UBR2: variants seen among roughly 807,000 people sequenced by gnomAD.
The protein encoded by UBR2 is ubiquitin protein ligase E3 component n-recognin 2.
In UBR2, 92 loss-of-function variants were observed where a neutral mutation model predicts 247.9. That is an observed-to-expected ratio of 0.37 (90% CI 0.31 to 0.44). The LOEUF (loss-of-function observed/expected upper bound fraction) is 0.44. Ranked by LOEUF, UBR2 falls within the 20% of genes least tolerant of loss-of-function variation. The probability of loss-of-function intolerance (pLI) is 1.00; values close to 1 mark genes in which losing one functional copy is unlikely to be tolerated. For synonymous variants in UBR2, 672 were observed against 693.5 expected (o/e 0.97, Z 0.49); for missense variants, 1,613 against 2,112.6 (o/e 0.76, Z 4.64).
chr6:42,614,675 T>C (rs892737286), intron 8 of UBR2, among the ~76,000 whole-genome samples: 12 of 152,142 alleles, frequency 7.9e-5, no homozygotes, highest in Non-Finnish European at 1.6e-4. Flanking sequence ...GCATTCCTCC[T>C]TTTAAATGGT....
Position 42,666,187 on chromosome 6 carries a change from T to G in UBR2, c.3823T>G (p.Ser1275Ala). ...STPNNASTKN[S>A]ENVDELQLPE... ...TATAGATAATGCCTCTACAAAGAAT[T>G]CAGAAAATGTGGATGAATTACAGCT... The change falls in exon 34 of 47, where the codon TCA becomes GCA. Residue 1275 changes from serine (S) to alanine (A), a missense_variant. Coordinates refer to ENST00000372901, the MANE Select transcript of UBR2 (RefSeq NM_001363705.2). 6.2e-7 allele frequency: 1 copy of G among 1,612,408 alleles called. No individual in the cohort carries two copies. The highest frequency in any genetic ancestry group is 1.1e-5 in the South Asian group (1 of 90,542).
chr6:42,662,429 C>T, intron 31 of UBR2, 152 bp downstream of exon 31: 1 of 572,174 alleles, frequency 1.7e-6, no homozygotes, highest in East Asian at 3.0e-5. Context: ...AAGTTATTTG[C>T]CTTGTCATAG....
intron 11 of UBR2, among the ~76,000 whole-genome samples, chr6:42,622,023 T>G (rs1274478976): frequency 6.6e-6 from 1 of 152,152 alleles, no homozygotes; most frequent in Non-Finnish European, 1.5e-5. Context: ...ACTCTTCTTT[T>G]TTTTCTTTTT....
chr6:42,615,763 A>AG (rs1458665528), intron 9 of UBR2, among the ~76,000 whole-genome samples: 1 of 151,842 alleles, frequency 6.6e-6, no homozygotes, highest in East Asian at 1.9e-4. Context: ...AAAAAAAAAA[A>AG]AAAATGCTGT....
chr6:42,675,525 T>G (rs1177665760), intron 38 of UBR2, among the ~76,000 whole-genome samples: 1 of 152,210 alleles, frequency 6.6e-6, no homozygotes, highest in Non-Finnish European at 1.5e-5. Context: ...ATTAATGAAA[T>G]CATAGTGCCC....
At chr6:42,658,198 GATCATATTTCAT>G in intron 27 of UBR2, 30 bp from the exon 28 acceptor site, 1 of 1,609,420 alleles carries the variant, frequency 6.2e-7, no homozygotes. Context: ...TGTACATTGT[GATCATATTTCAT>G]ACAGGATACT....
intron 2 of UBR2, among the ~76,000 whole-genome samples, chr6:42,586,588 G>T (rs1387150169): frequency 5.1e-5 from 5 of 97,834 alleles, no homozygotes; most frequent in Non-Finnish European, 9.8e-5. Flanking sequence ...TCCTAACTGT[G>T]TGCTGCCTTT....
intron 2 of UBR2, among the ~76,000 whole-genome samples, chr6:42,589,613 A>G (rs754420844): frequency 5.9e-5 from 9 of 152,226 alleles, no homozygotes; most frequent in Non-Finnish European, 7.3e-5. Flanking sequence ...AGAATTCACC[A>G]GTGAACCCAT....
In UBR2 at chr6:42,683,907, A is replaced by G. The variant is rs528162103; in HGVS notation, c.4775+796A>G. Among the ~76,000 whole-genome samples, 272 of 152,372 alleles carry G rather than the reference A, an allele frequency of 1.8e-3. 4 individuals carry two copies. The highest frequency in any genetic ancestry group is 0.017 in the Middle Eastern group (5 of 294). The stretch of plus-strand genomic sequence containing the variant: ...GTCCCAAGCATCTCAGATAAGGGAT[A>G]CTCAACCCATATCTCTTAGTTCTGG... On this transcript the variant is annotated intron_variant, in intron 43 of 46. Transcript: ENST00000372901.
intron 13 of UBR2, 56 bp downstream of exon 13, chr6:42,632,960 T>A: frequency 1.2e-5 from 8 of 656,756 alleles, no homozygotes; most frequent in African/African-American, 7.1e-5. Context: ...TCTTTTCTCT[T>A]TTTTTTTTTT....
chr6:42,661,060 A>C (rs982975163), intron 30 of UBR2, among the ~76,000 whole-genome samples: 33 of 151,402 alleles, frequency 2.2e-4, no homozygotes, highest in African/African-American at 8.0e-4. Flanking sequence ...CTGGGAGGCC[A>C]AGGCAGGCAG....
chr6:42,592,647 GATAA>G (rs901056713), intron 3 of UBR2, among the ~76,000 whole-genome samples: 3 of 152,134 alleles, frequency 2.0e-5, no homozygotes, highest in African/African-American at 7.2e-5. Context: ...CAGGGACACA[GATAA>G]ATACAGATTA....
chr6:42,634,494 G>A (rs1470389233), intron 13 of UBR2, among the ~76,000 whole-genome samples: 2 of 152,118 alleles, frequency 1.3e-5, no homozygotes, highest in Admixed American at 6.5e-5. Flanking sequence ...TTGCTCTATC[G>A]CCCAGGCGGG....
intron 1 of UBR2, among the ~76,000 whole-genome samples, chr6:42,572,120 T>C (rs911300674): frequency 6.6e-6 from 1 of 152,158 alleles, no homozygotes; most frequent in African/African-American, 2.4e-5. Flanking sequence ...GTTTTGAAAG[T>C]AATTTAGTCT....
At chr6:42,597,532 G>A (rs969322496) in intron 4 of UBR2, among the ~76,000 whole-genome samples, 3 of 151,842 alleles carry the variant, frequency 2.0e-5, no homozygotes, top group East Asian at 3.9e-4. Flanking sequence ...GGGAGATTGA[G>A]GATGCAGTGA....
At chr6:42,671,185 C>CAAA (rs67809948) in intron 36 of UBR2, among the ~76,000 whole-genome samples, 1 of 100,916 alleles carries the variant, frequency 9.9e-6, no homozygotes. Context: ...AACTCCATCT[C>CAAA]AAAAAAAAAA....
rs1794528115 is a variant in UBR2, at chr6:42,616,087, A to G, written c.1179A>G (p.Ala393=). ...AGAAACTATTTGCTGTTCGATTTGC[A>G]AAAGTAAGTGGCTTTTCAATTTTGA... ...KYKKLFAVRF[A]KNYERLQSDY... Residue 393 remains alanine, a synonymous_variant, in exon 10 of 47, where the codon GCA becomes GCG. Coordinates refer to ENST00000372901, the MANE Select transcript of UBR2 (RefSeq NM_001363705.2). 4 of 1,603,674 alleles carry G rather than the reference A, an allele frequency of 2.5e-6. No homozygotes were observed.
intron 2 of UBR2, among the ~76,000 whole-genome samples, chr6:42,587,529 T>A (rs909169850): frequency 1.5e-4 from 23 of 152,092 alleles, no homozygotes; most frequent in African/African-American, 4.6e-4. Flanking sequence ...GGCTAATTTT[T>A]AAATTTTTTG....
At chr6:42,627,402 G>T (rs1008685183) in intron 11 of UBR2, among the ~76,000 whole-genome samples, 2 of 152,328 alleles carry the variant, frequency 1.3e-5, no homozygotes. Flanking sequence ...TTCTAATCTA[G>T]TGGCTAATTT....
Sources: allele counts gnomAD v4.1 joint callset (sites outside exome capture counted in the v4.1 genomes callset), GRCh38; gene constraint gnomAD v4.1.1; transcripts MANE v1.5; gene names NCBI Gene and HGNC (gene_info 2026-07-23, HGNC 2026-07-21).